CTNNA1: variants seen among roughly 807,000 people sequenced by gnomAD.
The protein encoded by CTNNA1 is catenin alpha-1.
In CTNNA1, 37 loss-of-function variants were observed where a neutral mutation model predicts 98.4. That is an observed-to-expected ratio of 0.38 (90% confidence interval 0.29 to 0.49). CTNNA1 has a LOEUF of 0.49. Among genes scored for constraint, CTNNA1 ranks in the 20% least tolerant of loss-of-function variants. The pLI, the probability that CTNNA1 is intolerant of heterozygous loss-of-function variation, is 0.95. For synonymous variants in CTNNA1, 404 were observed against 413.2 expected (o/e 0.98, Z 0.27); for missense variants, 761 against 1,147.2 (o/e 0.66, Z 4.86).
chr5:138,869,751 G>A (rs893104563), intron 7 of CTNNA1: 9 of 152,574 alleles, frequency 5.9e-5, no homozygotes, highest in African/African-American at 2.2e-4. Flanking sequence ...GTGGCGTTGG[G>A]AAGTTCAGTC....
chr5:138,774,823 G>A (rs1020869357), intron 1 of CTNNA1, among the ~76,000 whole-genome samples: 13 of 151,870 alleles, frequency 8.6e-5, no homozygotes, highest in East Asian at 3.9e-4. Context: ...GGGTTTCACC[G>A]TGGTCTTGAT....
intron 13 of CTNNA1, among the ~76,000 whole-genome samples, chr5:138,927,988 C>T (rs559143751): frequency 8.5e-5 from 13 of 152,092 alleles, no homozygotes; most frequent in Non-Finnish European, 1.6e-4. Context: ...CCTGCGTGAG[C>T]GTCCACTGTT....
At chr5:138,832,080 A>G (rs1158401155) in intron 7 of CTNNA1, among the ~76,000 whole-genome samples, 6 of 152,218 alleles carry the variant, frequency 3.9e-5, no homozygotes, top group Non-Finnish European at 8.8e-5. Context: ...GGAATAAGCA[A>G]TTAAGTGAAA....
chr5:138,846,072 G>T (rs1445945365), intron 7 of CTNNA1, among the ~76,000 whole-genome samples: 2 of 151,940 alleles, frequency 1.3e-5, no homozygotes, highest in Non-Finnish European at 2.9e-5. Context: ...GATTACAAGC[G>T]CCCACCACCA....
At chr5:138,912,747 C>CA (rs1255123703) in intron 10 of CTNNA1, among the ~76,000 whole-genome samples, 1 of 137,052 alleles carries the variant, frequency 7.3e-6, no homozygotes, top group East Asian at 1.9e-4. Flanking sequence ...CATGAATTTC[C>CA]ATTTTTAAAA....
At chr5:138,763,735 T>C (rs1318546825) in intron 1 of CTNNA1, among the ~76,000 whole-genome samples, 1 of 152,254 alleles carries the variant, frequency 6.6e-6, no homozygotes, top group African/African-American at 2.4e-5. Flanking sequence ...ATGTTACTAT[T>C]ACTGATGAAA....
chr5:138,837,810 A>G (rs532820534), intron 7 of CTNNA1, among the ~76,000 whole-genome samples: 2 of 150,616 alleles, frequency 1.3e-5, no homozygotes, highest in South Asian at 4.2e-4. Context: ...TTTTGTAGAT[A>G]TGGGGTCTTG....
intron 7 of CTNNA1, among the ~76,000 whole-genome samples, chr5:138,834,770 G>A (rs28363417): frequency 0.012 from 1,778 of 152,324 alleles, 26 homozygotes; most frequent in African/African-American, 0.041. Context: ...GCTGCTTGAA[G>A]TGAGTGGAAT....
chr5:138,920,675 C>T (rs762153313), intron 11 of CTNNA1, among the ~76,000 whole-genome samples: 3 of 152,182 alleles, frequency 2.0e-5, no homozygotes, highest in Non-Finnish European at 4.4e-5. Flanking sequence ...GTAGTATTTG[C>T]ATTTGTGATT....
intron 1 of CTNNA1, among the ~76,000 whole-genome samples, chr5:138,779,122 A>G (rs1257592257): frequency 1.3e-5 from 2 of 151,920 alleles, no homozygotes; most frequent in Non-Finnish European, 1.5e-5. Context: ...CAGGTGATCC[A>G]CCCACTTTGG....
intron 16 of CTNNA1, chr5:138,931,495 C>G (rs1160623357): frequency 2.9e-6 from 2 of 684,462 alleles, no homozygotes; most frequent in Non-Finnish European, 3.6e-6. Context: ...TCAGCCTCAT[C>G]TAGGCCACAG....
chr5:138,830,430 T>C (rs779555150), intron 7 of CTNNA1, among the ~76,000 whole-genome samples: 1 of 152,220 alleles, frequency 6.6e-6, no homozygotes, highest in Non-Finnish European at 1.5e-5. Flanking sequence ...AGATGGTCTC[T>C]GGGTATGTTT....
intron 7 of CTNNA1, among the ~76,000 whole-genome samples, chr5:138,880,484 A>C (rs1581432043): frequency 1.3e-5 from 2 of 151,536 alleles, no homozygotes. Context: ...GTTTATGGCA[A>C]CCTCCCCGCC....
chr5:138,920,182 G>A (rs1365903779), intron 11 of CTNNA1, among the ~76,000 whole-genome samples: 1 of 152,032 alleles, frequency 6.6e-6, no homozygotes, highest in African/African-American at 2.4e-5. Context: ...GTTTCACCAT[G>A]TTGGCCAGGC....
intron 14 of CTNNA1, among the ~76,000 whole-genome samples, chr5:138,930,206 A>G (rs1765008743): frequency 6.6e-6 from 1 of 152,192 alleles, no homozygotes; most frequent in African/African-American, 2.4e-5. Context: ...GTCCCTGCAC[A>G]GGTGTGATTC....
intron 3 of CTNNA1, among the ~76,000 whole-genome samples, chr5:138,790,300 T>A (rs981650636): frequency 6.6e-6 from 1 of 152,242 alleles, no homozygotes; most frequent in Non-Finnish European, 1.5e-5. Flanking sequence ...TAATTTATTT[T>A]CCTGTGACTT....
At chr5:138,881,712 G>T (rs1036689907) in intron 7 of CTNNA1, among the ~76,000 whole-genome samples, 1 of 152,122 alleles carries the variant, frequency 6.6e-6, no homozygotes, top group Non-Finnish European at 1.5e-5. Context: ...GGTAGAAGAA[G>T]CTTCAATGCT....
At chr5:138,794,050 C>T (rs1432866807) in intron 3 of CTNNA1, among the ~76,000 whole-genome samples, 1 of 131,642 alleles carries the variant, frequency 7.6e-6, no homozygotes, top group Non-Finnish European at 1.5e-5. Context: ...CGGAGTCTTG[C>T]TCTGTCGCCC....
intron 1 of CTNNA1, 42 bp downstream of exon 1, chr5:138,753,552 C>T (rs544125395): frequency 5.4e-6 from 2 of 372,616 alleles, no homozygotes; most frequent in South Asian, 2.6e-4. Context: ...GTCTCTCGGG[C>T]CAGGCCGAGA....
Sources: gnomAD v4.1 joint callset for allele counts (sites outside exome capture counted in the v4.1 genomes callset) on GRCh38, gnomAD v4.1.1 for gene constraint, MANE v1.5 for transcripts, NCBI Gene and HGNC (gene_info 2026-07-23, HGNC 2026-07-21) for gene names.